SRPK1: variants seen among roughly 807,000 people sequenced by gnomAD.
The protein encoded by SRPK1 is SFRS protein kinase 1.
In SRPK1, 52 loss-of-function variants were observed where a neutral mutation model predicts 89.5. The ratio of observed to expected loss-of-function variants is 0.58; its 90% confidence interval spans 0.46 to 0.73. SRPK1 has a LOEUF of 0.73. SRPK1 is among the 30% of genes least tolerant of loss of function. The pLI is 0.00. For missense variants in SRPK1, 603 were observed against 780.6 expected, an observed-to-expected ratio of 0.77 and a Z score of 2.71; for synonymous variants, 255 against 270.2, an observed-to-expected ratio of 0.94 and a Z score of 0.55.
chr6:35,916,596 T>C (rs184076268), intron 2 of SRPK1, among the ~76,000 whole-genome samples: 177 of 152,296 alleles, frequency 1.2e-3, no homozygotes, highest in Middle Eastern at 3.4e-3. Flanking sequence ...ACTCCACAAA[T>C]CAGTGTTAGA....
intron 2 of SRPK1, among the ~76,000 whole-genome samples, chr6:35,899,675 T>C (rs1365395776): frequency 1.3e-5 from 2 of 152,132 alleles, no homozygotes; most frequent in African/African-American, 2.4e-5. Context: ...AGTGCAGCCA[T>C]TAGAGTGGCC....
intron 2 of SRPK1, among the ~76,000 whole-genome samples, chr6:35,919,043 ATAAC>A (rs1265366942): frequency 6.6e-6 from 1 of 152,262 alleles, no homozygotes; most frequent in Non-Finnish European, 1.5e-5. Flanking sequence ...TCCACAAAGA[ATAAC>A]TAAACTAGGC....
intron 5 of SRPK1, 103 bp downstream of exon 5, chr6:35,887,921 G>T: frequency 1.3e-6 from 1 of 794,618 alleles, no homozygotes; most frequent in South Asian, 2.6e-5. Context: ...ACTTTATAGA[G>T]AAAATTATCC....
chr6:35,891,337 T>G (rs1198382587), intron 2 of SRPK1, among the ~76,000 whole-genome samples: 1 of 152,230 alleles, frequency 6.6e-6, no homozygotes. Context: ...TAAAAATATT[T>G]ATCTGTAATC....
At chr6:35,841,000 A>G (rs1056559126) in intron 14 of SRPK1, among the ~76,000 whole-genome samples, 3 of 152,158 alleles carry the variant, frequency 2.0e-5, no homozygotes, top group Non-Finnish European at 4.4e-5. Flanking sequence ...TCTAGCCACT[A>G]TATGTGTTCT....
chr6:35,902,489 G>C (rs1361642577), intron 2 of SRPK1, among the ~76,000 whole-genome samples: 10 of 151,748 alleles, frequency 6.6e-5, no homozygotes, highest in Admixed American at 5.9e-4. Flanking sequence ...ACCCATCTAA[G>C]GTAAAGAACG....
intron 9 of SRPK1, 69 bp from the exon 10 acceptor site, chr6:35,870,563 G>T: frequency 7.3e-7 from 1 of 1,375,954 alleles, no homozygotes. Context: ...GGAGATAGTT[G>T]TTAACTTTAA....
intron 13 of SRPK1, among the ~76,000 whole-genome samples, chr6:35,849,175 A>G (rs935105947): frequency 2.0e-5 from 3 of 152,218 alleles, no homozygotes; most frequent in Admixed American, 2.0e-4. Context: ...AAACAGGCAA[A>G]GGACCTAAAT....
At chr6:35,838,703 T>C in intron 14 of SRPK1, 3 of 1,456,992 alleles carry the variant, frequency 2.1e-6, no homozygotes, top group Non-Finnish European at 2.8e-6. Context: ...ATAACAATAC[T>C]ACCTCTGTGA....
intron 1 of SRPK1, 48 bp from the exon 2 acceptor site, chr6:35,920,576 C>A (rs749258749): frequency 1.9e-6 from 3 of 1,590,306 alleles, no homozygotes; most frequent in Non-Finnish European, 1.7e-6. Context: ...GGAAAGGAGG[C>A]GACCAAGGTG....
intron 2 of SRPK1, among the ~76,000 whole-genome samples, chr6:35,897,386 G>A (rs941162696): frequency 6.6e-6 from 1 of 152,220 alleles, no homozygotes; most frequent in African/African-American, 2.4e-5. Context: ...TGCTGGAGAT[G>A]TGCACGTCTA....
chr6:35,909,621 C>T (rs1770919871), intron 2 of SRPK1, among the ~76,000 whole-genome samples: 1 of 152,126 alleles, frequency 6.6e-6, no homozygotes, highest in Admixed American at 6.5e-5. Flanking sequence ...CTCTGTGTCC[C>T]CACCCAAATC....
intron 1 of SRPK1, 95 bp downstream of exon 1, chr6:35,920,949 C>A: frequency 7.0e-7 from 1 of 1,428,104 alleles, no homozygotes; most frequent in Non-Finnish European, 9.4e-7. Flanking sequence ...CGTCCGGGAA[C>A]CGAACCGCGG....
intron 6 of SRPK1, among the ~76,000 whole-genome samples, chr6:35,881,453 A>C (rs1486129702): frequency 6.6e-6 from 1 of 151,386 alleles, no homozygotes; most frequent in Admixed American, 6.6e-5. Flanking sequence ...AGATATAGAT[A>C]TAGATATAGA....
intron 2 of SRPK1, among the ~76,000 whole-genome samples, chr6:35,912,468 C>T (rs994757611): frequency 6.6e-6 from 1 of 152,164 alleles, no homozygotes; most frequent in Non-Finnish European, 1.5e-5. Context: ...AAATTAAGGT[C>T]TGTACATTTT....
At chr6:35,897,284 G>A (rs1466313712) in intron 2 of SRPK1, among the ~76,000 whole-genome samples, 1 of 152,164 alleles carries the variant, frequency 6.6e-6, no homozygotes, top group African/African-American at 2.4e-5. Flanking sequence ...GAGATAAAGT[G>A]GTGATAGTAC....
At chr6:35,897,252 G>C (rs1277432362) in intron 2 of SRPK1, among the ~76,000 whole-genome samples, 2 of 152,164 alleles carry the variant, frequency 1.3e-5, no homozygotes, top group East Asian at 1.9e-4. Context: ...TCCAAATATA[G>C]TGCTTTATTG....
At chr6:35,886,366 C>A (rs1172746809) in intron 6 of SRPK1, among the ~76,000 whole-genome samples, 5 of 152,158 alleles carry the variant, frequency 3.3e-5, no homozygotes, top group Non-Finnish European at 5.9e-5. Flanking sequence ...AGGCTTGAGC[C>A]ACCGTGCCCG....
chr6:35,885,260 A>AACACACACAC lies in SRPK1; in HGVS notation c.478+1454_478+1463dup, dbSNP rs71540130. ...TTGGTTTAGAATTCTTAATTCTTTG[A>AACACACACAC]ACACACACACACACACACACACACA... On this transcript the variant is annotated intron_variant, in intron 6 of 15. Transcript: ENST00000373825. Among the ~76,000 whole-genome samples the AACACACACAC allele has an allele frequency of 4.7e-3, 525 of 111,786 alleles. 4 individuals are homozygous for AACACACACAC. The highest frequency in any genetic ancestry group is 0.013 in the African/African-American group (331 of 25,014). The allele number at this position is 111,786 out of a possible 152,430, so 73.3% of individuals were successfully genotyped here. A position where few individuals can be genotyped will look rare whatever the true frequency, so the allele number is the denominator to read the frequency against.
Sources: allele counts gnomAD v4.1 joint callset (sites outside exome capture counted in the v4.1 genomes callset), GRCh38; gene constraint gnomAD v4.1.1; transcripts MANE v1.5; gene names NCBI Gene and HGNC (gene_info 2026-07-23, HGNC 2026-07-21).